The following ANKRD44 variants were observed in gnomAD, a reference collection of about 807,000 sequenced individuals.
The protein encoded by ANKRD44 is serine/threonine-protein phosphatase 6 regulatory ankyrin repeat subunit B.
In ANKRD44, 35 loss-of-function variants were observed where a neutral mutation model predicts 116.0. That is an observed-to-expected ratio of 0.30 (90% CI 0.23 to 0.40). The LOEUF (loss-of-function observed/expected upper bound fraction) is 0.40. ANKRD44 is among the 10% of genes least tolerant of loss of function. The probability of loss-of-function intolerance (pLI) is 1.00; values close to 1 mark genes in which losing one functional copy is unlikely to be tolerated. For synonymous variants in ANKRD44, 435 were observed against 461.8 expected (o/e 0.94, Z 0.74); for missense variants, 1,014 against 1,242.6 (o/e 0.82, Z 2.77).
rs1367252535 is a variant in ANKRD44 at position 196,989,616 on chromosome 2, C to G, written c.2957G>C (p.Gly986Ala). 2 of 1,550,138 alleles carry G rather than the reference C, an allele frequency of 1.3e-6. No individual in the cohort carries two copies. Among genetic ancestry groups the G allele is most frequent in the Non-Finnish European group, 1.7e-6 (2 of 1,146,782 alleles). Residue 986 changes from glycine (G) to alanine (A), a missense_variant, in exon 28 of 28, where the codon GGA becomes GCA. Coordinates refer to ENST00000282272, the MANE Select transcript of ANKRD44 (RefSeq NM_001195144.2). ...TCATTCTTCTTTTTGTACAGCGGTT[C>G]CAGGTGTGGAACGGGGTCCATTTGA... ...SRSNGPRSTP[G>A]TAVQKEE
chr2:197,218,751 CTTTTTTTTTTTTTTT>C lies in ANKRD44; in HGVS notation c.28-31660_28-31646del, dbSNP rs138330364. ...TTCCTGGTATGGGAGGGTAAAGTCC[CTTTTTTTTTTTTTTT>C]TTTTTTTTTTTGAGATGGAGTCTTG... On this transcript the variant is annotated intron_variant, in intron 1 of 27. Coordinates refer to ENST00000282272, the MANE Select transcript of ANKRD44 (RefSeq NM_001195144.2). Among the ~76,000 whole-genome samples the C allele has an allele frequency of 9.4e-4, 49 of 52,348 alleles. No homozygotes were observed. In the South Asian group the frequency reaches 0.05, roughly 54 times the overall value. The allele number at this position is 52,348 out of a possible 152,430, so 34.3% of individuals were successfully genotyped here.
At chr2:197,187,572 G>A (rs1285243024) in intron 1 of ANKRD44, among the ~76,000 whole-genome samples, 2 of 152,164 alleles carry the variant, frequency 1.3e-5, no homozygotes, top group Non-Finnish European at 2.9e-5. Flanking sequence ...GAGGTCGTAA[G>A]GGTGTGGCCC....
intron 2 of ANKRD44, among the ~76,000 whole-genome samples, chr2:197,182,188 C>G (rs2080523570): frequency 1.3e-5 from 2 of 152,188 alleles, no homozygotes; most frequent in Admixed American, 1.3e-4. Context: ...GTGGAGGCTT[C>G]TAAAATCTTT....
intron 1 of ANKRD44, among the ~76,000 whole-genome samples, chr2:197,217,308 A>G (rs975663634): frequency 2.0e-5 from 3 of 152,162 alleles, no homozygotes; most frequent in Non-Finnish European, 4.4e-5. Flanking sequence ...GTCATTCAAA[A>G]TAGAGCCATC....
At chr2:197,175,546 A>G (rs1470665275) in intron 2 of ANKRD44, among the ~76,000 whole-genome samples, 1 of 152,176 alleles carries the variant, frequency 6.6e-6, no homozygotes, top group African/African-American at 2.4e-5. Flanking sequence ...ACCATTTAGT[A>G]TGTACTAGTG....
intron 1 of ANKRD44, among the ~76,000 whole-genome samples, chr2:197,246,299 G>A (rs553533462): frequency 1.3e-4 from 19 of 142,418 alleles, no homozygotes; most frequent in African/African-American, 3.6e-4. Flanking sequence ...TGATACTCCC[G>A]TCTCAGCCTC....
At chr2:197,016,766 G>A (rs1323194562) in intron 17 of ANKRD44, among the ~76,000 whole-genome samples, 3 of 152,116 alleles carry the variant, frequency 2.0e-5, no homozygotes, top group African/African-American at 7.2e-5. Context: ...AGAAAAGCCT[G>A]ATTCCAGTGT....
chr2:197,265,332 T>C (rs2082714478), intron 1 of ANKRD44, among the ~76,000 whole-genome samples: 1 of 151,796 alleles, frequency 6.6e-6, no homozygotes, highest in Non-Finnish European at 1.5e-5. Context: ...CTGCAACCTC[T>C]GCCTCCTGGG....
chr2:197,310,541 C>T (rs1388993935), intron 1 of ANKRD44, 37 bp downstream of exon 1: 2 of 1,093,896 alleles, frequency 1.8e-6, no homozygotes, highest in East Asian at 7.6e-5. Flanking sequence ...CCGCCCCGCG[C>T]CCGCGCGTCC....
chr2:197,013,112 G>A (rs894516716), intron 18 of ANKRD44, among the ~76,000 whole-genome samples: 1 of 152,174 alleles, frequency 6.6e-6, no homozygotes, highest in African/African-American at 2.4e-5. Flanking sequence ...ATGCGAAATA[G>A]CCCTGAATAC....
intron 27 of ANKRD44, chr2:196,989,979 A>C (rs2075889786): frequency 2.9e-6 from 3 of 1,035,228 alleles, no homozygotes; most frequent in African/African-American, 1.7e-5. Flanking sequence ...TTATTAGATA[A>C]ATTTGGGTTC....
chr2:197,210,558 T>A (rs1386019591), intron 1 of ANKRD44, among the ~76,000 whole-genome samples: 1 of 152,206 alleles, frequency 6.6e-6, no homozygotes, highest in African/African-American at 2.4e-5. Flanking sequence ...AAATAAATGT[T>A]CCTTAAGGCC....
rs2081793690 is a variant in ANKRD44 at position 197,229,075 on chromosome 2, T to C, written c.28-41969A>G. Reference sequence around the variant, plus strand: ...AGCTGTTACCTGAAATGTGGAGTTATGTGCTGTGTCTGTGCATGACAAATC... The same window carrying C: ...AGCTGTTACCTGAAATGTGGAGTTACGTGCTGTGTCTGTGCATGACAAATC... On this transcript the variant is annotated intron_variant, in intron 1 of 27. Transcript: ENST00000282272. Among the ~76,000 whole-genome samples the C allele has an allele frequency of 3.3e-5, 5 of 152,246 alleles. No individual in the cohort carries two copies. The South Asian group carries it at 1.0e-3, about 31-fold the overall frequency.
At chr2:197,274,977 C>G (rs1247333135) in intron 1 of ANKRD44, among the ~76,000 whole-genome samples, 2 of 152,104 alleles carry the variant, frequency 1.3e-5, no homozygotes, top group Non-Finnish European at 2.9e-5. Flanking sequence ...TGGCATGCAC[C>G]TGTAGTCCCA....
intron 17 of ANKRD44, among the ~76,000 whole-genome samples, chr2:197,019,193 C>T (rs1215817190): frequency 1.3e-5 from 2 of 152,162 alleles, no homozygotes; most frequent in Non-Finnish European, 1.5e-5. Context: ...AGCTATGAAG[C>T]GAGAAGGTAC....
chr2:197,025,130 A>C, intron 17 of ANKRD44, 66 bp downstream of exon 17: 1 of 1,462,528 alleles, frequency 6.8e-7, no homozygotes, highest in East Asian at 2.3e-5. Context: ...TTTAAGAGCA[A>C]TCTAGTTTTA....
chr2:197,007,495 T>G (rs2076221623), intron 20 of ANKRD44, among the ~76,000 whole-genome samples: 2 of 152,236 alleles, frequency 1.3e-5, no homozygotes, highest in South Asian at 4.1e-4. Flanking sequence ...TCTGCAAATT[T>G]TCTATGATAT....
chr2:197,118,865 C>G (rs1052043092), intron 8 of ANKRD44, among the ~76,000 whole-genome samples: 4 of 151,986 alleles, frequency 2.6e-5, no homozygotes, highest in African/African-American at 9.7e-5. Context: ...GTGTTATTAG[C>G]CATTTTGATA....
intron 21 of ANKRD44, among the ~76,000 whole-genome samples, chr2:196,976,265 T>A (rs2075759643): frequency 6.6e-6 from 1 of 152,020 alleles, no homozygotes; most frequent in South Asian, 2.1e-4. Flanking sequence ...GCCTCCCGAG[T>A]AGCTGGGACT....
Sources: allele counts gnomAD v4.1 joint callset (sites outside exome capture counted in the v4.1 genomes callset), GRCh38; gene constraint gnomAD v4.1.1; transcripts MANE v1.5; gene names NCBI Gene and HGNC (gene_info 2026-07-23, HGNC 2026-07-21).